The following VPS28 variants were observed in gnomAD, a reference collection of about 807,000 sequenced individuals.
VPS28 encodes vacuolar protein sorting-associated protein 28 homolog.
Under a neutral mutation model 33.7 loss-of-function variants are expected in VPS28, and 29 were observed. The observed-to-expected ratio is 0.86, with a 90% CI of 0.64 to 1.17. The LOEUF is 1.17. Ranked by LOEUF, VPS28 falls within the 50% of genes most tolerant of loss-of-function variation. The pLI, the probability that VPS28 is intolerant of heterozygous loss-of-function variation, is 0.00. For missense variants in VPS28, 247 were observed against 312.2 expected (o/e 0.79, Z 1.57); for synonymous variants, 164 against 116.7 (o/e 1.40, Z -2.61).
At chr8:144,425,453 G>A (rs1382157903) in intron 5 of VPS28, 2 of 589,220 alleles carry the variant, frequency 3.4e-6, no homozygotes, top group East Asian at 2.8e-5. Flanking sequence ...TGTGCTGGGG[G>A]ATGAGGGTGG....
intron 2 of VPS28, 170 bp downstream of exon 2, chr8:144,426,739 G>A (rs1822778806): frequency 7.3e-6 from 5 of 684,808 alleles, no homozygotes; most frequent in East Asian, 2.9e-5. Flanking sequence ...CTGTCTGGAG[G>A]TTTCTGAGCC....
chr8:144,427,221 C>G (rs781977721), intron 1 of VPS28: 18 of 305,954 alleles, frequency 5.9e-5, no homozygotes, highest in Non-Finnish European at 9.4e-5. Flanking sequence ...ATCGCTTGAA[C>G]CCAGGAGGTG....
At chr8:144,426,146 G>A (rs1554876700) in intron 3 of VPS28, 34 bp downstream of exon 3, 7 of 1,595,522 alleles carry the variant, frequency 4.4e-6, no homozygotes, top group Middle Eastern at 3.3e-4. Flanking sequence ...TTTGCTGTTG[G>A]CCAATGCCGG....
rs1452401662 is a variant in VPS28 at position 144,426,438 on chromosome 8, AGCTCCACT to A, written c.38-238_38-231del. ...GGCCGCATGACAGGCCCAGCTCCCCAGCTCCACTGCGGCTCCCCGGGGGACCGCATGAC... is the reference window on the plus strand; with the variant it reads ...GGCCGCATGACAGGCCCAGCTCCCCAGCGGCTCCCCGGGGGACCGCATGAC... On this transcript the variant is annotated intron_variant, in intron 2 of 9. Coordinates refer to ENST00000292510, the MANE Select transcript of VPS28 (RefSeq NM_016208.4). 34 of 536,780 alleles carry A rather than the reference AGCTCCACT, an allele frequency of 6.3e-5. No individual in the cohort carries two copies. The Middle Eastern group carries it at 1.4e-3, about 23-fold the overall frequency. 33.3% of individuals were successfully genotyped at this position (536,780 alleles called of 1,614,324 possible).
Position 144,424,146 on chromosome 8 carries a change from A to G in VPS28, c.457-14T>C. 2 of 1,550,828 alleles carry G rather than the reference A, an allele frequency of 1.3e-6. No individual in the cohort carries two copies. Among genetic ancestry groups the G allele is most frequent in the Non-Finnish European group, 1.7e-6 (2 of 1,145,218 alleles). On this transcript the variant is annotated splice_polypyrimidine_tract_variant and intron_variant, in intron 8 of 9. Transcript: ENST00000292510. ...GTCGGGCTGGATCTGAGACACACAC[A>G]GCGGCTGGGACCCCGACGCCGGCTC...
At chr8:144,425,155 G>A (rs1359286081) in intron 5 of VPS28, 104 bp from the exon 6 acceptor site, 2 of 1,044,740 alleles carry the variant, frequency 1.9e-6, no homozygotes, top group Admixed American at 2.2e-5. Flanking sequence ...AGAGGACCAG[G>A]CGACAGGCAA....
chr8:144,427,054 C>A, intron 1 of VPS28, 75 bp from the exon 2 acceptor site: 1 of 1,191,194 alleles, frequency 8.4e-7, no homozygotes, highest in Non-Finnish European at 1.2e-6. Context: ...AATCCCAGCA[C>A]TTTGGGAGGC....
At chr8:144,425,469 T>G (rs1190324594) in intron 5 of VPS28, 1 of 590,708 alleles carries the variant, frequency 1.7e-6, no homozygotes, top group South Asian at 2.1e-5. Context: ...GGTGGGGGAG[T>G]GGGCCGGATG....
intron 1 of VPS28, 198 bp from the exon 2 acceptor site, chr8:144,427,177 T>C: frequency 2.5e-6 from 1 of 403,200 alleles, no homozygotes; most frequent in South Asian, 2.4e-5. Flanking sequence ...CATACGGTTG[T>C]AATCCCAGCT....
At position 144,423,853 on chromosome 8, in the gene VPS28, G is replaced by C; in HGVS notation, c.618C>G (p.Phe206Leu). The part of the protein sequence containing the change: ...LDDSQVRQML[F>L]DLESAYNAFN... ...AGGCGTTGTAGGCTGACTCCAGGTC[G>C]AACAGCATCTGACGCACCTGTGAGT... The change falls in exon 10 of 10, where the codon TTC (phenylalanine) becomes TTG (leucine). Residue 206 changes from phenylalanine to leucine, a missense_variant. Around this residue, in one of 3 missense-constraint regions of VPS28, gnomAD observed 95 missense variants for 118.3 expected, o/e 0.80. Transcript: ENST00000292510. 6.2e-7 allele frequency: 1 copy of C among 1,613,158 alleles called. No individual in the cohort carries two copies. Among genetic ancestry groups the C allele is most frequent in the South Asian group, 1.1e-5 (1 of 91,088 alleles).
At chr8:144,425,236 T>C (rs1460660496) in intron 5 of VPS28, 185 bp from the exon 6 acceptor site, 3 of 610,136 alleles carry the variant, frequency 4.9e-6, no homozygotes, top group Non-Finnish European at 8.7e-6. Context: ...GTAGTGGGGC[T>C]TGTAGCTCGG....
In VPS28 at chr8:144,424,549, G is replaced by A. The variant is rs1399332294; in HGVS notation, c.402+169C>T. ...CCCGACAGGAGTCCAGGTGGCCTGGGGGCGTCCCCGCATGCTGCCCACCCC... is the reference window on the plus strand; with the variant it reads ...CCCGACAGGAGTCCAGGTGGCCTGGAGGCGTCCCCGCATGCTGCCCACCCC... On this transcript the variant is annotated intron_variant, in intron 7 of 9. Transcript: ENST00000292510. 1.3e-5 allele frequency: 11 copies of A among 852,648 alleles called. No individual in the cohort carries two copies. In the African/African-American group the frequency reaches 1.7e-4, roughly 13 times the overall value. 52.8% of individuals were successfully genotyped at this position (852,648 alleles called of 1,614,324 possible). A position where few individuals can be genotyped will look rare whatever the true frequency, so the allele number is the denominator to read the frequency against.
At chr8:144,425,627 T>C in intron 5 of VPS28, 56 bp downstream of exon 5, 1 of 1,584,678 alleles carries the variant, frequency 6.3e-7, no homozygotes, top group East Asian at 2.2e-5. Flanking sequence ...TTGCTGCCTA[T>C]GGAGCACCCA....
In VPS28 at chr8:144,425,004, A is replaced by G. The variant is rs782184158; in HGVS notation, c.242T>C (p.Phe81Ser). The G allele has an allele frequency of 1.3e-6, 2 of 1,555,858 alleles. No individual in the cohort carries two copies. The highest frequency in any genetic ancestry group is 2.4e-5 in the East Asian group (1 of 41,464). ...GATTTCTGAGCCCTGGACCTGCCTG[A>G]AGGCAGCTTTGTATTGGACCAGGAG... Reference protein sequence around the residue: ...SRLLVQYKAAFRQVQGSEISS... With the variant: ...SRLLVQYKAASRQVQGSEISS... The change falls in exon 6 of 10, where the codon TTC becomes TCC. Residue 81 changes from phenylalanine (F) to serine (S), a missense_variant. Physicochemically the swap from Phe to Ser is radical, Grantham distance 155. Transcript: ENST00000292510.
chr8:144,426,883 GC>G (rs2130822428), intron 2 of VPS28, 25 bp downstream of exon 2: 3 of 1,611,832 alleles, frequency 1.9e-6, no homozygotes, highest in South Asian at 1.1e-5. Context: ...GCGGCTGAAA[GC>G]CTGCGCCCTT....
Position 144,423,898 on chromosome 8 carries a change from C to A in VPS28, c.573G>T (p.Ser191=), listed in dbSNP as rs782066506. The A allele has an allele frequency of 6.2e-7, 1 of 1,613,108 alleles. No homozygotes were observed. The highest frequency in any genetic ancestry group is 8.5e-7 in the Non-Finnish European group (1 of 1,180,030). The change falls in exon 10 of 10, where the codon TCG becomes TCT. Residue 191 remains serine, a synonymous_variant. Transcript: ENST00000292510. ...GTGAGTCGTCCAGCTCATCTGACGC[C>A]GACATGCCGCTCAGGGTCTGCAGCC... ...SQWLQTLSGM[S]ASDELDDSQV...
intron 1 of VPS28, among the ~76,000 whole-genome samples, chr8:144,428,146 G>T (rs1554877337): frequency 6.6e-6 from 1 of 152,178 alleles, no homozygotes; most frequent in African/African-American, 2.4e-5. Context: ...CTCTCCGAGG[G>T]TCGAGGCCAT....
intron 5 of VPS28, 111 bp downstream of exon 5, chr8:144,425,572 G>C (rs1822672704): frequency 2.6e-6 from 3 of 1,155,200 alleles, no homozygotes. Context: ...ACGCTGGGTG[G>C]GCCCCACACA....
rs1035083946 is a variant in VPS28, at chr8:144,424,444, G to T, written c.403-176C>A. 10 of 918,906 alleles carry T rather than the reference G, an allele frequency of 1.1e-5. No homozygotes were observed. The Middle Eastern group carries it at 1.0e-3, about 95-fold the overall frequency. The allele number at this position is 918,906 out of a possible 1,614,324, so 56.9% of individuals were successfully genotyped here. A position where few individuals can be genotyped will look rare whatever the true frequency, so the allele number is the denominator to read the frequency against. ...AGGTCCTGGCTGCCCAGACAGCTGT[G>T]TGGGAACTGAAGGGTGGGCCCACAC... On this transcript the variant is annotated intron_variant, in intron 7 of 9. Coordinates refer to ENST00000292510, the MANE Select transcript of VPS28 (RefSeq NM_016208.4).
Sources: gnomAD v4.1 joint callset for allele counts (sites outside exome capture counted in the v4.1 genomes callset) on GRCh38, gnomAD v4.1.1 for gene constraint, gnomAD v4.1.1 regional missense constraint, MANE v1.5 for transcripts, NCBI Gene and HGNC (gene_info 2026-07-23, HGNC 2026-07-21) for gene names.